Variants in ADK observed in about 807,000 individuals in gnomAD.
ADK encodes adenosine kinase.
In ADK, 24 loss-of-function variants were observed where a neutral mutation model predicts 44.7. That is an observed-to-expected ratio of 0.54 (90% CI 0.39 to 0.76). The LOEUF is 0.76. Ranked by LOEUF, ADK falls within the 30% of genes least tolerant of loss-of-function variation. The pLI is 0.00. For missense variants in ADK, 321 were observed against 425.1 expected (o/e 0.76, Z 2.15); for synonymous variants, 128 against 142.6 (o/e 0.90, Z 0.73).
chr10:74,642,527 A>T (rs1382547702), intron 9 of ADK, among the ~76,000 whole-genome samples: 2 of 151,990 alleles, frequency 1.3e-5, no homozygotes, highest in African/African-American at 4.8e-5. Flanking sequence ...TAAGAGAAAA[A>T]GTTTGAGAAC....
At chr10:74,261,126 T>C (rs1319205607) in intron 3 of ADK, among the ~76,000 whole-genome samples, 1 of 152,206 alleles carries the variant, frequency 6.6e-6, no homozygotes, top group Non-Finnish European at 1.5e-5. Context: ...ATTTATATTA[T>C]AGTGACTATG....
chr10:74,235,129 T>C (rs1285108515), intron 3 of ADK, among the ~76,000 whole-genome samples: 1 of 29,942 alleles, frequency 3.3e-5, no homozygotes, highest in Non-Finnish European at 8.9e-5. Context: ...AAATTATCCC[T>C]TTTTTTTTTT....
intron 3 of ADK, among the ~76,000 whole-genome samples, chr10:74,234,593 G>A (rs181512700): frequency 7.9e-5 from 12 of 152,198 alleles, no homozygotes; most frequent in Admixed American, 3.9e-4. Flanking sequence ...CTAGAAATAC[G>A]TCACAATTTG....
intron 10 of ADK, among the ~76,000 whole-genome samples, chr10:74,674,145 G>T (rs928217013): frequency 2.6e-5 from 4 of 151,938 alleles, no homozygotes; most frequent in African/African-American, 4.8e-5. Flanking sequence ...AGGATGGGGC[G>T]CTCACCAGAG....
chr10:74,240,169 CAT>C (rs1211463905), intron 3 of ADK, among the ~76,000 whole-genome samples: 1 of 152,080 alleles, frequency 6.6e-6, no homozygotes, highest in African/African-American at 2.4e-5. Context: ...TGTGCAACAC[CAT>C]ACCTGGTTAA....
intron 4 of ADK, among the ~76,000 whole-genome samples, chr10:74,334,041 C>G (rs1841326577): frequency 6.6e-6 from 1 of 152,014 alleles, no homozygotes; most frequent in South Asian, 2.1e-4. Flanking sequence ...AAAAAGTGAT[C>G]TTTGTAGTGT....
intron 4 of ADK, among the ~76,000 whole-genome samples, chr10:74,358,352 T>C (rs719624): frequency 0.65 from 98,848 of 152,038 alleles, 33,367 homozygotes; most frequent in Middle Eastern, 0.8. Context: ...TTCTAAAATT[T>C]ACTGTGATGT....
chr10:74,197,467 A>G (rs1443521169), intron 1 of ADK, among the ~76,000 whole-genome samples: 1 of 152,102 alleles, frequency 6.6e-6, no homozygotes, highest in Non-Finnish European at 1.5e-5. Context: ...GGGAGGCCCA[A>G]GGCGGGTGGA....
intron 6 of ADK, among the ~76,000 whole-genome samples, chr10:74,425,337 G>A (rs1272924443): frequency 2.6e-5 from 4 of 152,146 alleles, no homozygotes; most frequent in Non-Finnish European, 5.9e-5. Flanking sequence ...TATTCCTTCT[G>A]TAGGGTAGAC....
intron 9 of ADK, among the ~76,000 whole-genome samples, chr10:74,642,920 G>T (rs1853923979): frequency 6.9e-6 from 1 of 145,874 alleles, no homozygotes; most frequent in Non-Finnish European, 1.5e-5. Context: ...GCTCACTGTA[G>T]CCTCAAACTC....
At chr10:74,221,720 A>G (rs1844317486) in intron 2 of ADK, among the ~76,000 whole-genome samples, 1 of 146,346 alleles carries the variant, frequency 6.8e-6, no homozygotes, top group Non-Finnish European at 1.5e-5. Flanking sequence ...AACGCCGCAT[A>G]TCTACAACTA....
chr10:74,646,862 G>A (rs1373385317), intron 9 of ADK, among the ~76,000 whole-genome samples: 1 of 152,186 alleles, frequency 6.6e-6, no homozygotes, highest in Non-Finnish European at 1.5e-5. Flanking sequence ...AAGCATGTAA[G>A]ACAAGAGCTG....
intron 6 of ADK, chr10:74,423,706 G>T (rs1592191439): frequency 2.3e-6 from 1 of 443,110 alleles, no homozygotes; most frequent in East Asian, 6.9e-5. Flanking sequence ...GTTGGGGCTG[G>T]CCTGCCTCTC....
At chr10:74,234,102 A>G (rs1844876023) in intron 3 of ADK, among the ~76,000 whole-genome samples, 1 of 152,232 alleles carries the variant, frequency 6.6e-6, no homozygotes, top group Admixed American at 6.5e-5. Context: ...AGTTATGCCA[A>G]CACTATTTCC....
Position 74,536,781 on chromosome 10 carries a change from C to T in ADK, c.726+11355C>T, listed in dbSNP as rs1374265795. ...ACAAAAGTTGTCTGACTTAATTTCA[C>T]TTAGCATAATCTTTTTAAACTTCAT... On this transcript the variant is annotated intron_variant, in intron 7 of 10. Transcript: ENST00000539909. 2.0e-5 allele frequency among the ~76,000 whole-genome samples: 3 copies of T among 152,240 alleles called. No individual in the cohort carries two copies. The South Asian group carries it at 6.2e-4, about 32-fold the overall frequency.
intron 9 of ADK, among the ~76,000 whole-genome samples, chr10:74,659,908 A>G (rs1350965599): frequency 1.3e-5 from 2 of 152,156 alleles, no homozygotes; most frequent in East Asian, 3.8e-4. Flanking sequence ...CAACACCCTC[A>G]CAGACACACC....
At chr10:74,375,361 T>G (rs906626310) in intron 4 of ADK, among the ~76,000 whole-genome samples, 18 of 152,312 alleles carry the variant, frequency 1.2e-4, no homozygotes, top group Admixed American at 8.5e-4. Context: ...TTGCCATTCT[T>G]TGGTTACTGT....
intron 6 of ADK, among the ~76,000 whole-genome samples, chr10:74,467,457 A>G (rs1846401847): frequency 1.3e-5 from 2 of 152,132 alleles, no homozygotes; most frequent in Admixed American, 6.5e-5. Flanking sequence ...CGTGTCTTTG[A>G]TTTCGTAGTT....
intron 4 of ADK, among the ~76,000 whole-genome samples, chr10:74,334,067 A>T (rs1258527244): frequency 6.6e-6 from 1 of 152,206 alleles, no homozygotes; most frequent in Non-Finnish European, 1.5e-5. Context: ...TCTGCAAGTT[A>T]TGACACATGC....
Sources: gnomAD v4.1 joint callset for allele counts (sites outside exome capture counted in the v4.1 genomes callset) on GRCh38, gnomAD v4.1.1 for gene constraint, MANE v1.5 for transcripts, NCBI Gene and HGNC (gene_info 2026-07-23, HGNC 2026-07-21) for gene names.